The following PEBP4 variants were observed in gnomAD, a reference collection of about 807,000 sequenced individuals.
The protein encoded by PEBP4 is phosphatidylethanolamine-binding protein 4.
PEBP4 carries 22 observed loss-of-function variants against 23.9 expected under a neutral mutation model. The ratio of observed to expected loss-of-function variants is 0.92; its 90% CI spans 0.66 to 1.31. The LOEUF is 1.31. Ranked by LOEUF, PEBP4 falls within the 40% of genes most tolerant of loss-of-function variation. The pLI is 0.00. For synonymous variants in PEBP4, 112 were observed against 99.3 expected (o/e 1.13, Z -0.76); for missense variants, 324 against 281.7 (o/e 1.15, Z -1.07).
chr8:22,782,350 C>T (rs1158460045), intron 4 of PEBP4, among the ~76,000 whole-genome samples: 1 of 152,224 alleles, frequency 6.6e-6, no homozygotes, highest in Non-Finnish European at 1.5e-5. Context: ...GGGAACCTCT[C>T]CCTCATTCAT....
intron 3 of PEBP4, among the ~76,000 whole-genome samples, chr8:22,832,101 G>C (rs1807095625): frequency 2.6e-5 from 4 of 152,154 alleles, no homozygotes; most frequent in Admixed American, 2.6e-4. Context: ...TTCGTGTGAG[G>C]GATGGGTCAG....
rs1809381924 is a variant in PEBP4 at position 22,927,801 on chromosome 8, GCC to G, written c.-7+20_-7+21del. 1 of 1,564,734 alleles carries G rather than the reference GCC, an allele frequency of 6.4e-7. No individual in the cohort carries two copies. ...ACTACCTGTGCCCCCGACCCCAGGG[GCC>G]CACTTGGCAGGATAGAGACCTCTGG... On this transcript the variant is annotated intron_variant, in intron 1 of 6. Transcript: ENST00000256404.
At chr8:22,892,339 C>A (rs1303073767) in intron 3 of PEBP4, among the ~76,000 whole-genome samples, 1 of 152,184 alleles carries the variant, frequency 6.6e-6, no homozygotes, top group Non-Finnish European at 1.5e-5. Context: ...GAAGTCCATT[C>A]ACACTGCTGT....
At chr8:22,749,441 G>A (rs1378404643) in intron 4 of PEBP4, among the ~76,000 whole-genome samples, 2 of 152,318 alleles carry the variant, frequency 1.3e-5, no homozygotes, top group Admixed American at 6.5e-5. Flanking sequence ...AGCTAGAGCT[G>A]GAGAGCCATG....
At chr8:22,858,588 T>G (rs958944682) in intron 3 of PEBP4, among the ~76,000 whole-genome samples, 15 of 152,190 alleles carry the variant, frequency 9.9e-5, no homozygotes, top group African/African-American at 3.6e-4. Context: ...ATAATTAGAC[T>G]CATCTTAGAG....
intron 4 of PEBP4, among the ~76,000 whole-genome samples, chr8:22,799,679 A>C (rs1414572846): frequency 6.6e-6 from 1 of 152,256 alleles, no homozygotes; most frequent in South Asian, 2.1e-4. Context: ...CATTAGGTAT[A>C]TCTCCTAATG....
At chr8:22,905,375 C>T (rs1808789538) in intron 3 of PEBP4, among the ~76,000 whole-genome samples, 1 of 151,894 alleles carries the variant, frequency 6.6e-6, no homozygotes, top group African/African-American at 2.4e-5. Flanking sequence ...ATTTGTGGCA[C>T]ATATGTTCTC....
intron 4 of PEBP4, among the ~76,000 whole-genome samples, chr8:22,796,264 G>A (rs1238754675): frequency 2.1e-5 from 3 of 145,170 alleles, no homozygotes; most frequent in African/African-American, 8.1e-5. Flanking sequence ...GTGCGTGTGT[G>A]TGTGTGTGTG....
At chr8:22,812,196 C>T (rs921634117) in intron 4 of PEBP4, among the ~76,000 whole-genome samples, 3 of 152,152 alleles carry the variant, frequency 2.0e-5, no homozygotes, top group African/African-American at 4.8e-5. Context: ...AGCAGTGGAA[C>T]CGATCACTCA....
At chr8:22,815,659 G>A (rs1806726336) in intron 4 of PEBP4, among the ~76,000 whole-genome samples, 1 of 152,220 alleles carries the variant, frequency 6.6e-6, no homozygotes, top group African/African-American at 2.4e-5. Flanking sequence ...GCCTGAGCGG[G>A]AAGGCCGAGG....
In PEBP4 at chr8:22,936,739, G is replaced by A. The variant is rs561777036; in HGVS notation, c.145-9019C>T. 1.5e-4 allele frequency among the ~76,000 whole-genome samples: 23 copies of A among 152,244 alleles called. 1 individual carries two copies. Among genetic ancestry groups the A allele is most frequent in the African/African-American group, 4.8e-4 (20 of 41,554 alleles). ...AGCATAGATAATTCAACAGTACACCGATAGGATTATACAGCATAACCAAGT... is the reference window on the plus strand; with the variant it reads ...AGCATAGATAATTCAACAGTACACCAATAGGATTATACAGCATAACCAAGT... On this transcript the variant is annotated intron_variant, in intron 1 of 1. Coordinates refer to the PEBP4 transcript ENST00000522278.
intron 4 of PEBP4, among the ~76,000 whole-genome samples, chr8:22,738,710 T>C (rs1487131600): frequency 4.6e-5 from 7 of 152,080 alleles, no homozygotes. Flanking sequence ...ATACATACGT[T>C]CACACACTCA....
chr8:22,819,026 G>T (rs977505746), intron 3 of PEBP4, among the ~76,000 whole-genome samples: 33 of 152,302 alleles, frequency 2.2e-4, no homozygotes, highest in African/African-American at 7.7e-4. Context: ...AGTTTGAAAT[G>T]CCCCTCAGAA....
chr8:22,762,183 G>T (rs1285864561), intron 4 of PEBP4, among the ~76,000 whole-genome samples: 1 of 151,782 alleles, frequency 6.6e-6, no homozygotes, highest in East Asian at 1.9e-4. Context: ...ATGTGTTCTG[G>T]GGAGCTGTGC....
intron 4 of PEBP4, among the ~76,000 whole-genome samples, chr8:22,784,133 G>C (rs1397150418): frequency 6.6e-6 from 1 of 152,176 alleles, no homozygotes; most frequent in Non-Finnish European, 1.5e-5. Flanking sequence ...TATGGAGACA[G>C]CCCCTGGCCC....
At chr8:22,720,463 A>C (rs1259802439) in intron 6 of PEBP4, among the ~76,000 whole-genome samples, 2 of 152,210 alleles carry the variant, frequency 1.3e-5, no homozygotes, top group Non-Finnish European at 2.9e-5. Flanking sequence ...TAGTTCAGGG[A>C]CGTCTGGCAG....
chr8:22,869,459 G>T (rs1055379662), intron 3 of PEBP4, among the ~76,000 whole-genome samples: 3 of 152,176 alleles, frequency 2.0e-5, no homozygotes, highest in African/African-American at 7.2e-5. Context: ...AGTGTTTAAA[G>T]AATAAACAAA....
At chr8:22,843,465 A>G (rs1807367550) in intron 3 of PEBP4, among the ~76,000 whole-genome samples, 1 of 152,208 alleles carries the variant, frequency 6.6e-6, no homozygotes, top group Non-Finnish European at 1.5e-5. Flanking sequence ...GCTCCATCTA[A>G]GTGTCATACA....
intron 4 of PEBP4, among the ~76,000 whole-genome samples, chr8:22,751,900 T>C (rs527845006): frequency 6.6e-6 from 1 of 151,556 alleles, no homozygotes; most frequent in South Asian, 2.1e-4. Flanking sequence ...CTCTCTTTCT[T>C]TTTGTTTCTT....
Sources: gnomAD v4.1 joint callset for allele counts (sites outside exome capture counted in the v4.1 genomes callset) on GRCh38, gnomAD v4.1.1 for gene constraint, MANE v1.5 for transcripts, NCBI Gene and HGNC (gene_info 2026-07-23, HGNC 2026-07-21) for gene names.